KIAA1958: variants seen among roughly 807,000 people sequenced by gnomAD.
KIAA1958 encodes uncharacterized protein KIAA1958.
In KIAA1958, 14 loss-of-function variants were observed where a neutral mutation model predicts 47.2. The ratio of observed to expected loss-of-function variants is 0.30; its 90% CI spans 0.20 to 0.46. KIAA1958 has a LOEUF of 0.46. KIAA1958 is among the 20% of genes least tolerant of loss of function. KIAA1958 has a pLI of 1.00. For synonymous variants in KIAA1958, 354 were observed against 353.3 expected (o/e 1.00, Z -0.02); for missense variants, 803 against 909.2 (o/e 0.88, Z 1.50).
At chr9:112,585,177 G>C (rs1835802026) in intron 2 of KIAA1958, among the ~76,000 whole-genome samples, 1 of 152,160 alleles carries the variant, frequency 6.6e-6, no homozygotes, top group Non-Finnish European at 1.5e-5. Context: ...TTTGTGACAA[G>C]CACTGTGCTA....
intron 1 of KIAA1958, among the ~76,000 whole-genome samples, chr9:112,492,424 A>G (rs929766491): frequency 1.3e-5 from 2 of 152,210 alleles, no homozygotes; most frequent in African/African-American, 2.4e-5. Flanking sequence ...TACTTCCCCT[A>G]TAAGTCACAT....
At chr9:112,548,677 ATAG>A (rs1835086144) in intron 1 of KIAA1958, among the ~76,000 whole-genome samples, 1 of 152,210 alleles carries the variant, frequency 6.6e-6, no homozygotes, top group African/African-American at 2.4e-5. Flanking sequence ...GTGCCTTGGC[ATAG>A]TATTTGCTAC....
chr9:112,507,606 C>G (rs1343050329), intron 1 of KIAA1958, among the ~76,000 whole-genome samples: 1 of 152,172 alleles, frequency 6.6e-6, no homozygotes, highest in Non-Finnish European at 1.5e-5. Flanking sequence ...GACTTGGACT[C>G]CCAAAGTGCT....
intron 1 of KIAA1958, among the ~76,000 whole-genome samples, chr9:112,567,668 G>A (rs754090021): frequency 5.3e-5 from 8 of 151,978 alleles, no homozygotes; most frequent in African/African-American, 1.4e-4. Context: ...TCAAAATCCC[G>A]AAAATACAGG....
intron 1 of KIAA1958, among the ~76,000 whole-genome samples, chr9:112,545,688 G>A (rs1835016440): frequency 6.6e-6 from 1 of 152,116 alleles, no homozygotes; most frequent in Non-Finnish European, 1.5e-5. Context: ...GCATCTGGGA[G>A]ATGAATTGGA....
intron 1 of KIAA1958, among the ~76,000 whole-genome samples, chr9:112,560,207 TC>T (rs67404937): frequency 0.27 from 37,343 of 136,786 alleles, 6,018 homozygotes; most frequent in Middle Eastern, 0.37. Context: ...TCTTTTTTTT[TC>T]TTTTTTTGAA....
intron 3 of KIAA1958, among the ~76,000 whole-genome samples, chr9:112,651,888 A>C (rs11999845): frequency 0.013 from 2,003 of 152,278 alleles, 40 homozygotes; most frequent in African/African-American, 0.044. Flanking sequence ...CTAGAGAAAA[A>C]ATTTTTAGCT....
At chr9:112,521,463 G>A (rs1823279843) in intron 1 of KIAA1958, among the ~76,000 whole-genome samples, 1 of 152,046 alleles carries the variant, frequency 6.6e-6, no homozygotes, top group Admixed American at 6.6e-5. Flanking sequence ...ACCCTCCCAC[G>A]TTGGCCTCCC....
rs772581715 is a variant in KIAA1958, at chr9:112,659,627, G to A, written c.1709G>A (p.Arg570Gln). The A allele has an allele frequency of 3.1e-6, 5 of 1,613,906 alleles. No homozygotes were observed. The highest frequency in any genetic ancestry group is 2.2e-5 in the East Asian group (1 of 44,880). The change falls in exon 4 of 4, where the codon CGG becomes CAG. Residue 570 changes from arginine to glutamine, a missense_variant. This residue lies in a region of KIAA1958 where 761 missense variants were observed against 829.3 expected (regional missense o/e 0.92). Coordinates refer to ENST00000337530, the MANE Select transcript of KIAA1958 (RefSeq NM_133465.4). ...TACAACAGCCAGTACCTGAACATGC[G>A]GACGCTGCAGGAGCATGCGGATCTG... ...VKYNSQYLNM[R>Q]TLQEHADLMY...
chr9:112,515,254 G>T (rs758866827), intron 1 of KIAA1958, among the ~76,000 whole-genome samples: 2,624 of 99,852 alleles, frequency 0.026, 279 homozygotes, highest in Non-Finnish European at 0.041. Context: ...TGTCCGGGAG[G>T]GAGGTGGGGG....
chr9:112,495,336 GAGA>G (rs1356119602), intron 1 of KIAA1958, among the ~76,000 whole-genome samples: 2 of 152,062 alleles, frequency 1.3e-5, no homozygotes, highest in African/African-American at 4.8e-5. Flanking sequence ...TGTACTTTTG[GAGA>G]AGGTTTCTGT....
chr9:112,527,342 A>G (rs1834675823), intron 1 of KIAA1958, among the ~76,000 whole-genome samples: 1 of 152,220 alleles, frequency 6.6e-6, no homozygotes, highest in African/African-American at 2.4e-5. Context: ...AACAGGAGAA[A>G]GAGCATTTTT....
At chr9:112,629,620 G>A in intron 2 of KIAA1958, among the ~76,000 whole-genome samples, 1 of 152,154 alleles carries the variant, frequency 6.6e-6, no homozygotes, top group Non-Finnish European at 1.5e-5. Flanking sequence ...ACACTAAGAT[G>A]TTCTCATCTT....
At chr9:112,521,507 C>T (rs1003847769) in intron 1 of KIAA1958, among the ~76,000 whole-genome samples, 1 of 152,118 alleles carries the variant, frequency 6.6e-6, no homozygotes, top group African/African-American at 2.4e-5. Flanking sequence ...AGCTACCATG[C>T]CAGGCCCTCT....
Position 112,545,123 on chromosome 9 carries a change from A to G in KIAA1958, c.-24-28934A>G, listed in dbSNP as rs143057869. Among the ~76,000 whole-genome samples, 86 of 152,286 alleles carry G rather than the reference A, an allele frequency of 5.6e-4. 1 individual carries two copies. Among genetic ancestry groups the G allele is most frequent in the African/African-American group, 2.1e-3 (86 of 41,558 alleles). Reference sequence around the variant, plus strand: ...TCAAACAGAAACTTCCAGAATCATCATGACCTTTTAAAGTTTCATCCTTAG... The same window carrying G: ...TCAAACAGAAACTTCCAGAATCATCGTGACCTTTTAAAGTTTCATCCTTAG... On this transcript the variant is annotated intron_variant, in intron 1 of 3. Transcript: ENST00000337530.
chr9:112,490,396 G>T (rs956125163), intron 1 of KIAA1958, among the ~76,000 whole-genome samples: 1 of 152,010 alleles, frequency 6.6e-6, no homozygotes, highest in Non-Finnish European at 1.5e-5. Context: ...TAACTCTTAC[G>T]TGATACTTCT....
chr9:112,517,974 G>T (rs1347493314), intron 1 of KIAA1958, among the ~76,000 whole-genome samples: 7 of 152,198 alleles, frequency 4.6e-5, no homozygotes, highest in African/African-American at 1.7e-4. Context: ...ATGTAAAATG[G>T]TACAGCTACT....
intron 1 of KIAA1958, among the ~76,000 whole-genome samples, chr9:112,566,444 A>G (rs1419353325): frequency 6.6e-6 from 1 of 151,974 alleles, no homozygotes; most frequent in Non-Finnish European, 1.5e-5. Flanking sequence ...ACATTTTTAC[A>G]TTTTTAAACT....
chr9:112,568,725 A>C (rs900501242), intron 1 of KIAA1958, among the ~76,000 whole-genome samples: 10 of 151,596 alleles, frequency 6.6e-5, no homozygotes, highest in Non-Finnish European at 1.0e-4. Context: ...CAAACAAAAA[A>C]TTTAATATAA....
Sources: allele counts gnomAD v4.1 joint callset (sites outside exome capture counted in the v4.1 genomes callset), GRCh38; gene constraint gnomAD v4.1.1; regional missense constraint gnomAD v4.1.1; transcripts MANE v1.5; gene names NCBI Gene and HGNC (gene_info 2026-07-23, HGNC 2026-07-21).